The following SPAG16 variants were observed in gnomAD, a reference collection of about 807,000 sequenced individuals.
SPAG16 encodes sperm-associated antigen 16 protein.
Under a neutral mutation model 80.4 loss-of-function variants are expected in SPAG16, and 86 were observed. The ratio of observed to expected loss-of-function variants is 1.07; its 90% CI spans 0.90 to 1.28. SPAG16 has a LOEUF of 1.28. SPAG16 is among the 50% of genes most tolerant of loss of function. The pLI, the probability that SPAG16 is intolerant of heterozygous loss-of-function variation, is 0.00. For synonymous variants in SPAG16, 294 were observed against 265.9 expected (o/e 1.11, Z -1.03); for missense variants, 870 against 765.3 (o/e 1.14, Z -1.61).
At chr2:213,814,268 T>C (rs1470109111) in intron 10 of SPAG16, among the ~76,000 whole-genome samples, 1 of 152,174 alleles carries the variant, frequency 6.6e-6, no homozygotes, top group Non-Finnish European at 1.5e-5. Context: ...CCTCAGTCTT[T>C]ACTCTTAAGA....
intron 10 of SPAG16, among the ~76,000 whole-genome samples, chr2:213,684,834 A>C (rs1293370422): frequency 2.0e-5 from 3 of 152,234 alleles, no homozygotes; most frequent in African/African-American, 7.2e-5. Flanking sequence ...CAAAACAGAC[A>C]CATTATGTAT....
intron 11 of SPAG16, among the ~76,000 whole-genome samples, chr2:213,916,406 C>G (rs2106189989): frequency 6.6e-6 from 1 of 152,174 alleles, no homozygotes; most frequent in East Asian, 1.9e-4. Flanking sequence ...TCAGGTTTGT[C>G]AAAGATCAGA....
intron 15 of SPAG16, among the ~76,000 whole-genome samples, chr2:214,292,945 G>A (rs1160865613): frequency 1.3e-5 from 2 of 152,180 alleles, no homozygotes; most frequent in Non-Finnish European, 1.5e-5. Context: ...ATTCCTCGGT[G>A]GCTTAGGGCT....
chr2:214,259,634 T>G (rs1479785787), intron 15 of SPAG16, among the ~76,000 whole-genome samples: 1 of 151,722 alleles, frequency 6.6e-6, no homozygotes, highest in African/African-American at 2.4e-5. Flanking sequence ...CCTATTTGAT[T>G]TTTGGTTGGT....
intron 12 of SPAG16, among the ~76,000 whole-genome samples, chr2:213,970,915 A>C (rs1157708631): frequency 6.6e-6 from 1 of 152,198 alleles, no homozygotes; most frequent in African/African-American, 2.4e-5. Context: ...AAGCATGACT[A>C]CAGTTTTCCT....
intron 12 of SPAG16, among the ~76,000 whole-genome samples, chr2:214,003,750 T>C (rs2046902079): frequency 1.3e-5 from 2 of 152,232 alleles, no homozygotes; most frequent in Non-Finnish European, 1.5e-5. Flanking sequence ...ATTTATTTAA[T>C]ATATATAGTT....
chr2:213,352,645 C>A (rs573863929), intron 7 of SPAG16, among the ~76,000 whole-genome samples: 92 of 152,286 alleles, frequency 6.0e-4, no homozygotes, highest in African/African-American at 2.1e-3. Context: ...TTAAATATTT[C>A]TTTTTACTCA....
intron 10 of SPAG16, among the ~76,000 whole-genome samples, chr2:213,720,096 A>G (rs2125390869): frequency 6.6e-6 from 1 of 152,294 alleles, no homozygotes; most frequent in East Asian, 1.9e-4. Context: ...ACAGAAAACC[A>G]AACACCACAT....
chr2:214,122,131 G>A (rs765367896), intron 14 of SPAG16, among the ~76,000 whole-genome samples: 2 of 151,588 alleles, frequency 1.3e-5, no homozygotes, highest in Non-Finnish European at 1.5e-5. Flanking sequence ...TAACATAATA[G>A]TAGTGTAAAC....
intron 9 of SPAG16, among the ~76,000 whole-genome samples, chr2:213,479,693 C>T (rs987327929): frequency 1.3e-5 from 2 of 152,180 alleles, no homozygotes; most frequent in Admixed American, 1.3e-4. Flanking sequence ...ATGCATTCCT[C>T]GGTCCTCTAC....
intron 15 of SPAG16, among the ~76,000 whole-genome samples, chr2:214,404,667 T>A (rs529229768): frequency 1.3e-5 from 2 of 152,206 alleles, no homozygotes; most frequent in Admixed American, 1.3e-4. Flanking sequence ...TGGGTTGGAT[T>A]ATAGAAAATT....
At chr2:213,444,759 C>A (rs1036971674) in intron 9 of SPAG16, among the ~76,000 whole-genome samples, 46 of 151,410 alleles carry the variant, frequency 3.0e-4, no homozygotes, top group Admixed American at 1.3e-4. Context: ...TATATGAAAC[C>A]ACAAAATACC....
At chr2:213,587,668 A>G (rs903576178) in intron 10 of SPAG16, among the ~76,000 whole-genome samples, 4 of 150,962 alleles carry the variant, frequency 2.6e-5, no homozygotes, top group African/African-American at 5.0e-5. Context: ...TTTAATATGG[A>G]TAGGCTGAGA....
At chr2:213,519,330 A>G (rs756089628) in intron 10 of SPAG16, among the ~76,000 whole-genome samples, 4 of 152,232 alleles carry the variant, frequency 2.6e-5, no homozygotes, top group Non-Finnish European at 4.4e-5. Context: ...CCCAAATCTC[A>G]TCTTGAATTG....
At chr2:213,917,038 A>G (rs1323853317) in intron 11 of SPAG16, among the ~76,000 whole-genome samples, 2 of 152,150 alleles carry the variant, frequency 1.3e-5, no homozygotes, top group East Asian at 3.8e-4. Context: ...TGAATAGGGA[A>G]TACTTTCCCC....
intron 13 of SPAG16, among the ~76,000 whole-genome samples, chr2:214,047,361 C>G (rs1200546378): frequency 3.3e-5 from 5 of 152,024 alleles, no homozygotes; most frequent in Non-Finnish European, 5.9e-5. Context: ...ACCAATGGAA[C>G]AGAATAGAGA....
Position 213,399,714 on chromosome 2 carries a change from C to A in SPAG16, c.942+24595C>A, listed in dbSNP as rs543064173. Among the ~76,000 whole-genome samples the A allele has an allele frequency of 2.8e-3, 432 of 151,896 alleles. 2 individuals are homozygous for A. The highest frequency in any genetic ancestry group is 9.9e-3 in the African/African-American group (411 of 41,496). ...TTCTATTCTTTGAAAGATTTTTATA[C>A]CCTGGAAGACCTATTCCTTAAATGT... On this transcript the variant is annotated intron_variant, in intron 9 of 15. Transcript: ENST00000331683.
intron 10 of SPAG16, among the ~76,000 whole-genome samples, chr2:213,693,792 A>G (rs2065043528): frequency 6.6e-6 from 1 of 152,174 alleles, no homozygotes; most frequent in African/African-American, 2.4e-5. Flanking sequence ...CTTTGATTCA[A>G]AGAAGCCAAA....
chr2:213,343,993 C>T (rs143571112), intron 6 of SPAG16, among the ~76,000 whole-genome samples: 8 of 152,216 alleles, frequency 5.3e-5, no homozygotes, highest in Non-Finnish European at 8.8e-5. Flanking sequence ...ATTATTTACT[C>T]AGGAAGACTG....
Sources: allele counts gnomAD v4.1 joint callset (sites outside exome capture counted in the v4.1 genomes callset), GRCh38; gene constraint gnomAD v4.1.1; transcripts MANE v1.5; gene names NCBI Gene and HGNC (gene_info 2026-07-23, HGNC 2026-07-21).